Variants in LPAR1 observed in about 807,000 individuals in gnomAD.
LPAR1 encodes the protein lysophosphatidic acid receptor 1.
Under a neutral mutation model 23.8 loss-of-function variants are expected in LPAR1, and 5 were observed. The ratio of observed to expected loss-of-function variants is 0.21; its 90% CI spans 0.11 to 0.44. The LOEUF (loss-of-function observed/expected upper bound fraction) is 0.44. Among genes scored for constraint, LPAR1 ranks in the 20% least tolerant of loss-of-function variants. The probability of loss-of-function intolerance (pLI) is 0.99; values close to 1 mark genes in which losing one functional copy is unlikely to be tolerated. For missense variants in LPAR1, 311 were observed against 482.8 expected, an observed-to-expected ratio of 0.64 and a Z score of 3.33; for synonymous variants, 160 against 164.7, an observed-to-expected ratio of 0.97 and a Z score of 0.22.
chr9:110,883,695 T>TCC (rs2081494956), intron 5 of LPAR1, among the ~76,000 whole-genome samples: 1 of 42,576 alleles, frequency 2.3e-5, no homozygotes, highest in African/African-American at 1.0e-4. Context: ...TTCTTTTTAT[T>TCC]CTCTCTTTTG....
At chr9:110,904,319 T>G (rs2090462831) in intron 5 of LPAR1, among the ~76,000 whole-genome samples, 1 of 152,154 alleles carries the variant, frequency 6.6e-6, no homozygotes, top group Non-Finnish European at 1.5e-5. Context: ...CACCATCTGA[T>G]ACTCAAGACA....
intron 4 of LPAR1, among the ~76,000 whole-genome samples, chr9:110,959,792 C>T (rs2095892262): frequency 6.6e-6 from 1 of 152,060 alleles, no homozygotes; most frequent in Non-Finnish European, 1.5e-5. Flanking sequence ...GGTATATATA[C>T]ACAATGGGAT....
At chr9:110,923,825 C>A (rs757479785) in intron 5 of LPAR1, among the ~76,000 whole-genome samples, 40 of 152,186 alleles carry the variant, frequency 2.6e-4, no homozygotes, top group African/African-American at 7.7e-4. Flanking sequence ...AAAAGTAACA[C>A]TGTTAATCAC....
At chr9:110,927,788 TAA>T (rs2094146671) in intron 5 of LPAR1, among the ~76,000 whole-genome samples, 1 of 152,162 alleles carries the variant, frequency 6.6e-6, no homozygotes, top group African/African-American at 2.4e-5. Flanking sequence ...AACTAATCAA[TAA>T]GTTAAGCCTT....
intron 5 of LPAR1, among the ~76,000 whole-genome samples, chr9:110,939,434 C>T (rs2094943913): frequency 1.3e-5 from 2 of 152,196 alleles, no homozygotes; most frequent in African/African-American, 4.8e-5. Context: ...GAAAGTTCTT[C>T]CATCTCACAG....
intron 4 of LPAR1, among the ~76,000 whole-genome samples, chr9:110,970,390 T>C (rs905386959): frequency 1.1e-4 from 16 of 152,076 alleles, no homozygotes; most frequent in African/African-American, 2.9e-4. Flanking sequence ...AAAAAGTCTA[T>C]TGAAGATAAG....
At chr9:110,912,744 T>C (rs1215907803) in intron 5 of LPAR1, among the ~76,000 whole-genome samples, 1 of 152,082 alleles carries the variant, frequency 6.6e-6, no homozygotes, top group Non-Finnish European at 1.5e-5. Flanking sequence ...GCAAACAGTG[T>C]CCAAGGAGAA....
intron 2 of LPAR1, among the ~76,000 whole-genome samples, chr9:110,995,990 G>T (rs537973671): frequency 6.6e-6 from 1 of 152,182 alleles, no homozygotes; most frequent in African/African-American, 2.4e-5. Context: ...AAACTATGAG[G>T]AGATAGTAAA....
intron 2 of LPAR1, among the ~76,000 whole-genome samples, chr9:111,008,508 G>GT (rs1440963638): frequency 6.6e-6 from 1 of 152,122 alleles, no homozygotes; most frequent in African/African-American, 2.4e-5. Context: ...GTGACCTTGA[G>GT]TTTTGGCTTT....
At chr9:110,884,549 TGAAA>T (rs2132734374) in intron 5 of LPAR1, among the ~76,000 whole-genome samples, 1 of 152,326 alleles carries the variant, frequency 6.6e-6, no homozygotes, top group African/African-American at 2.4e-5. Context: ...AAAAAATAAG[TGAAA>T]GAAAGAACAA....
At chr9:110,886,066 C>T (rs550614581) in intron 5 of LPAR1, among the ~76,000 whole-genome samples, 3 of 152,118 alleles carry the variant, frequency 2.0e-5, no homozygotes, top group East Asian at 1.9e-4. Flanking sequence ...GGTGTGATGG[C>T]GGGTGCCTGT....
chr9:110,962,528 C>G (rs1196324622), intron 4 of LPAR1, among the ~76,000 whole-genome samples: 5 of 152,108 alleles, frequency 3.3e-5, no homozygotes, highest in Admixed American at 6.5e-5. Context: ...AACTAGTTGA[C>G]CAACACACAC....
chr9:110,889,090 A>G (rs763124969), intron 5 of LPAR1, among the ~76,000 whole-genome samples: 7 of 152,208 alleles, frequency 4.6e-5, no homozygotes, highest in South Asian at 2.1e-4. Flanking sequence ...GGCCGGGTGC[A>G]GTGGCTCTCA....
chr9:110,921,286 G>A (rs956793187), intron 5 of LPAR1, among the ~76,000 whole-genome samples: 3 of 152,096 alleles, frequency 2.0e-5, no homozygotes, highest in East Asian at 1.9e-4. Flanking sequence ...TTTAATTAAA[G>A]GAAATTATAT....
chr9:111,038,416 G>C lies in LPAR1; in HGVS notation c.-511C>G. On this transcript the variant is annotated 5_prime_UTR_variant, in exon 1 of 6. Transcript: ENST00000683809. The surrounding 1 kb of genome is among the most constrained non-coding windows in gnomAD (Gnocchi z 4.4). ...CAGATCCGGCCCGCGCTCCGCAGCG[G>C]GGCTGGAGACGGAGTCGCCACTCAG... The C allele has an allele frequency of 3.3e-6, 1 of 305,076 alleles. No homozygotes were observed. The highest frequency in any genetic ancestry group is 6.4e-6 in the Non-Finnish European group (1 of 155,994). The allele number at this position is 305,076 out of a possible 1,614,324, so 18.9% of individuals were successfully genotyped here.
chr9:110,989,198 T>C lies in LPAR1; in HGVS notation c.-181-15640A>G, dbSNP rs148949278. On this transcript the variant is annotated intron_variant, in intron 2 of 5. Coordinates refer to ENST00000683809, the MANE Select transcript of LPAR1 (RefSeq NM_001351411.2). ...AATGATAAACATTTTCTGAGCTTGA[T>C]TGGAGTGATGATTGCACATTATCTA... 2.5e-3 allele frequency among the ~76,000 whole-genome samples: 377 copies of C among 152,248 alleles called. 4 individuals carry two copies. The highest frequency in any genetic ancestry group is 1.2e-3 in the Non-Finnish European group (81 of 68,008).
At chr9:110,982,648 A>T (rs1312480414) in intron 2 of LPAR1, among the ~76,000 whole-genome samples, 7 of 152,118 alleles carry the variant, frequency 4.6e-5, no homozygotes, top group East Asian at 1.9e-4. Flanking sequence ...AAATAAAAAA[A>T]TTTAAAAAGA....
chr9:110,923,009 G>A lies in LPAR1; in HGVS notation c.793+18412C>T, dbSNP rs560797591. On this transcript the variant is annotated intron_variant, in intron 5 of 5. Coordinates refer to ENST00000683809, the MANE Select transcript of LPAR1 (RefSeq NM_001351411.2). ...CCCTCAGCCCCCCAACCCCCAACAG[G>A]CCCCAGTGTGTGATATTCTCCTCTC... 2.0e-4 allele frequency among the ~76,000 whole-genome samples: 31 copies of A among 151,714 alleles called. 1 individual carries two copies. The South Asian group carries it at 6.1e-3, about 30-fold the overall frequency.
At chr9:110,923,304 A>C (rs1438547015) in intron 5 of LPAR1, among the ~76,000 whole-genome samples, 2 of 152,232 alleles carry the variant, frequency 1.3e-5, no homozygotes, top group Admixed American at 6.5e-5. Context: ...TCCCTGACTT[A>C]CAATGGTTTG....
Sources: allele counts gnomAD v4.1 joint callset (sites outside exome capture counted in the v4.1 genomes callset), GRCh38; gene constraint gnomAD v4.1.1; non-coding constraint Gnocchi (gnomAD v3.1); transcripts MANE v1.5; gene names NCBI Gene and HGNC (gene_info 2026-07-23, HGNC 2026-07-21).